OFD1: variants seen among roughly 807,000 people sequenced by gnomAD.
OFD1 encodes the protein OFD1 centriole and centriolar satellite protein.
A neutral mutation model predicts 81.4 loss-of-function variants in OFD1; 12 were observed. The observed-to-expected ratio is 0.15, with a 90% CI of 0.09 to 0.24. OFD1 has a LOEUF of 0.24. Ranked by LOEUF, OFD1 falls within the 10% of genes least tolerant of loss-of-function variation. OFD1 has a pLI of 1.00. For synonymous variants in OFD1, 256 were observed against 263.7 expected, an observed-to-expected ratio of 0.97 and a Z score of 0.28; for missense variants, 685 against 733.9, an observed-to-expected ratio of 0.93 and a Z score of 0.77.
At chrX:13,741,493 C>T (rs1212657400) in intron 5 of OFD1, among the ~76,000 whole-genome samples, 3 of 112,006 alleles carry the variant, frequency 2.7e-5, no homozygotes, top group Non-Finnish European at 5.6e-5. Flanking sequence ...TGTTGAATGG[C>T]CTTGGTACTT....
chrX:13,716,944 A>G, the OFD1 span, among the ~76,000 whole-genome samples: 2 of 108,020 alleles, frequency 1.9e-5, no homozygotes, highest in Non-Finnish European at 3.8e-5. Flanking sequence ...TTTATTGAAA[A>G]TCTTTTTCAT....
chrX:13,739,516 C>T (rs941264510), intron 5 of OFD1, among the ~76,000 whole-genome samples: 3 of 111,477 alleles, frequency 2.7e-5, no homozygotes, highest in Admixed American at 9.5e-5. Context: ...GAGGCTGAGG[C>T]GGGTGGATCA....
At position 13,767,337 on chromosome X, in the gene OFD1, G is replaced by A. The variant is rs971233778; in HGVS notation, c.2757+53G>A. On this transcript the variant is annotated intron_variant, in intron 20 of 22. Transcript: ENST00000340096. Reference sequence around the variant, plus strand: ...CTGGTTGCTCCATTGTACACCTTTCGTAAGTACATTGAGCTCAGGGAGGGG... The same window carrying A: ...CTGGTTGCTCCATTGTACACCTTTCATAAGTACATTGAGCTCAGGGAGGGG... 74 of 1,155,985 alleles carry A rather than the reference G, an allele frequency of 6.4e-5. 1 individual carries two copies. In the South Asian group the frequency reaches 7.2e-4, roughly 11 times the overall value.
At chrX:13,758,241 C>A in intron 14 of OFD1, 96 bp from the exon 15 acceptor site, 1 of 608,470 alleles carries the variant, frequency 1.6e-6, no homozygotes, top group Non-Finnish European at 2.7e-6. Flanking sequence ...ATTGGCAGAA[C>A]AAAAAGAGTA....
rs1284115190 is a variant in OFD1, at chrX:13,762,444, T to G, written c.2488T>G (p.Ser830Ala). 1.8e-6 allele frequency: 2 copies of G among 1,102,202 alleles called. No homozygotes were observed. Among genetic ancestry groups the G allele is most frequent in the Admixed American group, 2.2e-5 (1 of 45,709 alleles). 90.8% of individuals were successfully genotyped at this position (1,102,202 alleles called of 1,213,427 possible). Residue 830 changes from serine (S) to alanine (A), a missense_variant and splice_region_variant, in exon 18 of 23, where the codon TCT (serine) becomes GCT (alanine). This residue lies in a region of OFD1 where 259 missense variants were observed against 254.4 expected (regional missense o/e 1.02). Coordinates refer to ENST00000340096, the MANE Select transcript of OFD1 (RefSeq NM_003611.3). ...DNEEFESSFE[S>A]AGNMPRQLEM... Reference sequence around the variant, plus strand: ...TGAGGAGTTTGAATCATCTTTTGAATGTAAGTTCAAATATAAATACCAGTT... The same window carrying G: ...TGAGGAGTTTGAATCATCTTTTGAAGGTAAGTTCAAATATAAATACCAGTT...
At chrX:13,731,481 C>T (rs1224602129), upstream of OFD1, among the ~76,000 whole-genome samples, 1 of 112,274 alleles carries the variant, frequency 8.9e-6, no homozygotes, top group East Asian at 2.8e-4. Context: ...AAGGGAGATA[C>T]GGTAGGTAAA....
At chrX:13,721,341 C>T in the OFD1 span, 1 of 112,262 alleles carries the variant, frequency 8.9e-6, no homozygotes, top group Non-Finnish European at 1.9e-5. Flanking sequence ...TTATGGTGCA[C>T]TTATGAGGAT....
At chrX:13,723,464 G>A in the OFD1 span, among the ~76,000 whole-genome samples, 18 of 111,627 alleles carry the variant, frequency 1.6e-4, no homozygotes, top group East Asian at 8.5e-4. Context: ...CACCATGCCC[G>A]GCCTGATTCC....
the OFD1 span, among the ~76,000 whole-genome samples, chrX:13,722,751 G>A: frequency 8.9e-6 from 1 of 112,121 alleles, no homozygotes; most frequent in African/African-American, 3.2e-5. Context: ...CAATATGTGA[G>A]CTAGTGTGCA....
rs2047884409 is a variant in OFD1, at chrX:13,760,479, G to C, written c.2019G>C (p.Leu673=). The change falls in exon 16 of 23, where the codon CTG becomes CTC. Residue 673 remains leucine (L), a synonymous_variant. Transcript: ENST00000340096. ...TAGCAGCAAAGAGCCCACCATCTCT[G>C]CACTTGCTGGAAGCCTTCAAAAACA... ...SPLAAKSPPS[L]HLLEAFKNIT... is the part of the protein sequence containing the mutation. The C allele has an allele frequency of 8.6e-7, 1 of 1,169,394 alleles. No homozygotes were observed. Among genetic ancestry groups the C allele is most frequent in the Non-Finnish European group, 1.1e-6 (1 of 877,428 alleles).
At chrX:13,773,397 T>C (rs1005103713), downstream of OFD1, 7 of 127,177 alleles carry the variant, frequency 5.5e-5, no homozygotes, top group African/African-American at 2.3e-4. Context: ...TTGAAATAAG[T>C]GTAGTGTGTG....
chrX:13,747,948 A>G (rs1275255727), intron 8 of OFD1, among the ~76,000 whole-genome samples: 1 of 111,387 alleles, frequency 9.0e-6, no homozygotes, highest in East Asian at 2.8e-4. Flanking sequence ...TTCCTTTCCC[A>G]AGGGCGTGTC....
chrX:13,717,595 C>T, the OFD1 span, among the ~76,000 whole-genome samples: 68 of 110,112 alleles, frequency 6.2e-4, no homozygotes, highest in East Asian at 0.016. Flanking sequence ...AAAAATTGGC[C>T]GGCTGTGGTG....
the OFD1 span, among the ~76,000 whole-genome samples, chrX:13,727,340 C>CTAAA: frequency 8.9e-6 from 1 of 112,208 alleles, no homozygotes; most frequent in African/African-American, 3.2e-5. Context: ...AAATTGACTA[C>CTAAA]ATAATTGGAA....
chrX:13,724,805 A>G, the OFD1 span, among the ~76,000 whole-genome samples: 10 of 112,650 alleles, frequency 8.9e-5, no homozygotes, highest in African/African-American at 3.2e-4. Context: ...GCGTCGCCTC[A>G]CCCAGAAAGT....
At chrX:13,765,212 T>C (rs1356464711) in intron 19 of OFD1, among the ~76,000 whole-genome samples, 1 of 110,922 alleles carries the variant, frequency 9.0e-6, no homozygotes, top group Non-Finnish European at 1.9e-5. Context: ...AGGTTGAAAT[T>C]TGGTGTCTCG....
chrX:13,760,533 T>C lies in OFD1; in HGVS notation c.2073T>C (p.Ile691=). Residue 691 remains isoleucine (I), a synonymous_variant, in exon 16 of 23, where the codon ATT becomes ATC. Coordinates refer to ENST00000340096, the MANE Select transcript of OFD1 (RefSeq NM_003611.3). ...NITSSSPERH[I]FGEDRVVSEQ... is the part of the protein sequence containing the mutation. ...CTTCCAGTTCCCCGGAAAGACATAT[T>C]TTTGGAGAGGACAGAGTTGTCTCTG... The C allele has an allele frequency of 1.7e-6, 2 of 1,174,870 alleles. No homozygotes were observed. Among genetic ancestry groups the C allele is most frequent in the Non-Finnish European group, 2.3e-6 (2 of 879,626 alleles).
At chrX:13,743,521 T>C (rs1015776594) in intron 5 of OFD1, among the ~76,000 whole-genome samples, 3 of 112,259 alleles carry the variant, frequency 2.7e-5, no homozygotes, top group African/African-American at 9.7e-5. Flanking sequence ...GCATTTCGAA[T>C]ATATATAAGC....
At chrX:13,768,930 C>A in intron 22 of OFD1, 136 bp from the exon 23 acceptor site, 2 of 753,616 alleles carry the variant, frequency 2.7e-6, no homozygotes, top group Non-Finnish European at 2.1e-6. Flanking sequence ...AGTTTTTTGA[C>A]TTGTGAAATT....
Sources: allele counts gnomAD v4.1 joint callset (sites outside exome capture counted in the v4.1 genomes callset), GRCh38; gene constraint gnomAD v4.1.1; regional missense constraint gnomAD v4.1.1; transcripts MANE v1.5; gene names NCBI Gene and HGNC (gene_info 2026-07-23, HGNC 2026-07-21).